Variants in IL1RAPL1 observed in about 807,000 individuals in gnomAD.
IL1RAPL1 encodes the protein interleukin 1 receptor accessory protein like 1, also known as interleukin-1 receptor accessory protein-like 1.
Under a neutral mutation model 48.4 loss-of-function variants are expected in IL1RAPL1, and 3 were observed. The ratio of observed to expected loss-of-function variants is 0.06; its 90% confidence interval spans 0.03 to 0.16. IL1RAPL1 has a LOEUF of 0.16. IL1RAPL1 is among the 10% of genes least tolerant of loss of function. The pLI is 1.00. For synonymous variants in IL1RAPL1, 185 were observed against 187.7 expected, an observed-to-expected ratio of 0.99 and a Z score of 0.12; for missense variants, 349 against 530.6, an observed-to-expected ratio of 0.66 and a Z score of 3.36.
At chrX:29,918,943 TC>T (rs1281623214) in intron 7 of IL1RAPL1, among the ~76,000 whole-genome samples, 2 of 112,228 alleles carry the variant, frequency 1.8e-5, no homozygotes, top group Admixed American at 1.9e-4. Flanking sequence ...CTAAACATAC[TC>T]CCATCTAAAG....
At chrX:29,255,195 A>T (rs1931737290) in intron 2 of IL1RAPL1, among the ~76,000 whole-genome samples, 1 of 107,315 alleles carries the variant, frequency 9.3e-6, no homozygotes, top group South Asian at 4.0e-4. Flanking sequence ...TTCTAAAACT[A>T]TTTTCTTCAG....
chrX:29,218,972 C>G (rs1440743098), intron 2 of IL1RAPL1, among the ~76,000 whole-genome samples: 2 of 112,275 alleles, frequency 1.8e-5, no homozygotes, highest in East Asian at 5.5e-4. Flanking sequence ...TGAGAAGACA[C>G]GAAATCACTT....
intron 2 of IL1RAPL1, among the ~76,000 whole-genome samples, chrX:29,236,036 T>C (rs930675331): frequency 8.9e-6 from 1 of 112,246 alleles, no homozygotes; most frequent in Non-Finnish European, 1.9e-5. Flanking sequence ...AGCACACACA[T>C]CAATGGAAAT....
rs147103367 is a variant in IL1RAPL1, at chrX:29,570,488, A to G, written c.704-97942A>G. Among the ~76,000 whole-genome samples the G allele has an allele frequency of 9.3e-3, 1,042 of 112,520 alleles. 10 individuals are homozygous for G. The highest frequency in any genetic ancestry group is 0.032 in the African/African-American group (984 of 30,983). ...TGAGTCTACTATTTTTTTCTCATAC[A>G]TTACTACTTAAAAGTATGGGAGTTT... On this transcript the variant is annotated intron_variant, in intron 5 of 10. Transcript: ENST00000378993.
chrX:29,714,567 A>G (rs1601791949), intron 6 of IL1RAPL1, among the ~76,000 whole-genome samples: 1 of 111,981 alleles, frequency 8.9e-6, no homozygotes, highest in Non-Finnish European at 1.9e-5. Flanking sequence ...ATATTTGGAT[A>G]TATTGGTTTG....
chrX:29,264,394 C>G (rs1412857579), intron 2 of IL1RAPL1, among the ~76,000 whole-genome samples: 1 of 110,639 alleles, frequency 9.0e-6, no homozygotes, highest in African/African-American at 3.3e-5. Context: ...GATAGTGAAG[C>G]AGTGAGGGAA....
rs758513667 is a variant in IL1RAPL1 at position 29,000,926 on chromosome X, A to G, written c.82+211501A>G. 3.9e-5 allele frequency among the ~76,000 whole-genome samples: 4 copies of G among 101,654 alleles called. No homozygotes were observed. The East Asian group carries it at 1.2e-3, about 31-fold the overall frequency. 88.3% of individuals were successfully genotyped at this position (101,654 alleles called of 115,157 possible). ...TAGTTATTGCTCTTTTTTTTTTTTC[A>G]GAGTGTGATCTTCAGGTGATCTTTT... is the stretch of plus-strand genomic sequence containing the variant. On this transcript the variant is annotated intron_variant, in intron 2 of 10. Coordinates refer to ENST00000378993, the MANE Select transcript of IL1RAPL1 (RefSeq NM_014271.4).
chrX:28,619,629 TAAAA>T (rs1366985744), intron 1 of IL1RAPL1, among the ~76,000 whole-genome samples: 1 of 98,901 alleles, frequency 1.0e-5, no homozygotes, highest in East Asian at 3.2e-4. Flanking sequence ...AAAAAAAAGA[TAAAA>T]AAAATTGTTT....
At chrX:28,726,014 C>A (rs1365144061) in intron 1 of IL1RAPL1, among the ~76,000 whole-genome samples, 1 of 112,244 alleles carries the variant, frequency 8.9e-6, no homozygotes, top group Non-Finnish European at 1.9e-5. Flanking sequence ...TTATTTATGA[C>A]AATGAAATAA....
chrX:29,502,851 T>G (rs1294397319), intron 5 of IL1RAPL1, among the ~76,000 whole-genome samples: 3 of 112,011 alleles, frequency 2.7e-5, no homozygotes, highest in Admixed American at 9.5e-5. Flanking sequence ...TTTGTCAATT[T>G]TTTTGAAGAA....
intron 2 of IL1RAPL1, among the ~76,000 whole-genome samples, chrX:29,163,072 CAA>C (rs1370199170): frequency 2.7e-5 from 2 of 74,765 alleles, no homozygotes; most frequent in Admixed American, 1.6e-4. Flanking sequence ...GACTCCGTCT[CAA>C]AAAAAAAAAA....
At chrX:28,830,280 T>C (rs1375848158) in intron 2 of IL1RAPL1, among the ~76,000 whole-genome samples, 1 of 112,002 alleles carries the variant, frequency 8.9e-6, no homozygotes, top group Non-Finnish European at 1.9e-5. Flanking sequence ...ATTTTATTTG[T>C]GTCAAGTTTT....
chrX:28,852,887 T>C (rs1921700125), intron 2 of IL1RAPL1, among the ~76,000 whole-genome samples: 1 of 110,588 alleles, frequency 9.0e-6, no homozygotes, highest in Non-Finnish European at 1.9e-5. Context: ...CTTTTTTTTT[T>C]TACTTCTAAA....
intron 6 of IL1RAPL1, among the ~76,000 whole-genome samples, chrX:29,801,709 G>A (rs761662122): frequency 1.3e-4 from 14 of 111,951 alleles, no homozygotes; most frequent in Non-Finnish European, 2.4e-4. Flanking sequence ...TAACTATTGA[G>A]AAGGTGATGT....
intron 3 of IL1RAPL1, among the ~76,000 whole-genome samples, chrX:29,320,323 C>T (rs901829829): frequency 2.7e-5 from 3 of 111,626 alleles, no homozygotes. Context: ...GGTTCAGGAC[C>T]ACTGCCTTAT....
intron 2 of IL1RAPL1, among the ~76,000 whole-genome samples, chrX:29,131,272 G>GTATA (rs768066160): frequency 7.4e-5 from 6 of 80,727 alleles, no homozygotes; most frequent in Non-Finnish European, 1.8e-4. Flanking sequence ...CTGTGTGTGT[G>GTATA]TGTATATATA....
chrX:29,058,862 C>T (rs1042671164), intron 2 of IL1RAPL1, among the ~76,000 whole-genome samples: 1 of 112,263 alleles, frequency 8.9e-6, no homozygotes, highest in Admixed American at 9.5e-5. Flanking sequence ...AAAAGACTGT[C>T]AATAGCTCCT....
At chrX:29,496,420 C>T (rs1935213640) in intron 5 of IL1RAPL1, among the ~76,000 whole-genome samples, 1 of 107,297 alleles carries the variant, frequency 9.3e-6, no homozygotes, top group Non-Finnish European at 1.9e-5. Context: ...CTCACAAGAT[C>T]CAGTCACTTA....
At chrX:29,619,950 C>T (rs1362296452) in intron 5 of IL1RAPL1, among the ~76,000 whole-genome samples, 2 of 111,430 alleles carry the variant, frequency 1.8e-5, no homozygotes, top group African/African-American at 6.5e-5. Context: ...TTTATTAGAA[C>T]TGAACATAAT....
Sources: gnomAD v4.1 joint callset for allele counts (sites outside exome capture counted in the v4.1 genomes callset) on GRCh38, gnomAD v4.1.1 for gene constraint, MANE v1.5 for transcripts, NCBI Gene and HGNC (gene_info 2026-07-23, HGNC 2026-07-21) for gene names.